BLVRA: variants seen among roughly 807,000 people sequenced by gnomAD.
The protein encoded by BLVRA is BVR A.
Under a neutral mutation model 32.8 loss-of-function variants are expected in BLVRA, and 22 were observed. The observed-to-expected ratio is 0.67, with a 90% CI of 0.48 to 0.96. BLVRA has a LOEUF of 0.96. Ranked by LOEUF, BLVRA falls within the 40% of genes least tolerant of loss-of-function variation. The probability of loss-of-function intolerance (pLI) is 0.00; values close to 1 mark genes in which losing one functional copy is unlikely to be tolerated. For missense variants in BLVRA, 323 were observed against 358.1 expected (o/e 0.90, Z 0.79); for synonymous variants, 119 against 141.3 (o/e 0.84, Z 1.12).
intron 5 of BLVRA, among the ~76,000 whole-genome samples, chr7:43,795,258 G>A (rs2095790493): frequency 6.6e-6 from 1 of 152,070 alleles, no homozygotes; most frequent in Admixed American, 6.5e-5. Context: ...GATTGTGCCT[G>A]TAATCCCAGC....
chr7:43,779,293 C>T (rs904849172), intron 2 of BLVRA, among the ~76,000 whole-genome samples: 3 of 152,230 alleles, frequency 2.0e-5, no homozygotes, highest in African/African-American at 7.2e-5. Context: ...GCTCCACTAT[C>T]CTATCTTTCT....
chr7:43,796,121 C>CAAAAAAAAA (rs371922009), intron 5 of BLVRA, among the ~76,000 whole-genome samples: 1 of 66,662 alleles, frequency 1.5e-5, no homozygotes, highest in Non-Finnish European at 3.0e-5. Flanking sequence ...CTCTGTCTCA[C>CAAAAAAAAA]AAAAAAAAAA....
intron 2 of BLVRA, among the ~76,000 whole-genome samples, chr7:43,775,749 G>C (rs1195579983): frequency 6.6e-6 from 1 of 152,178 alleles, no homozygotes; most frequent in East Asian, 1.9e-4. Flanking sequence ...GGTAGAATTT[G>C]GCTGTGAATC....
intron 2 of BLVRA, among the ~76,000 whole-genome samples, chr7:43,780,464 AC>A (rs981581452): frequency 3.2e-4 from 48 of 152,258 alleles, no homozygotes; most frequent in African/African-American, 1.1e-3. Context: ...TGCTCATGGA[AC>A]TTATCGCTAA....
At chr7:43,782,341 G>A (rs2095770894) in intron 2 of BLVRA, among the ~76,000 whole-genome samples, 2 of 152,272 alleles carry the variant, frequency 1.3e-5, no homozygotes, top group South Asian at 2.1e-4. Flanking sequence ...AAGGACCATC[G>A]GCCACAGTCG....
intron 2 of BLVRA, among the ~76,000 whole-genome samples, chr7:43,778,863 C>T (rs1164411802): frequency 2.0e-5 from 3 of 152,252 alleles, no homozygotes; most frequent in African/African-American, 4.8e-5. Flanking sequence ...CAATGGCAGG[C>T]GCCCCTCCCC....
intron 6 of BLVRA, among the ~76,000 whole-genome samples, chr7:43,802,838 A>G (rs17239685): frequency 0.12 from 17,897 of 152,110 alleles, 1,136 homozygotes; most frequent in Admixed American, 0.19. Flanking sequence ...CCCGGGCTAA[A>G]GTGATTCTCC....
chr7:43,792,904 C>T, intron 5 of BLVRA, 92 bp downstream of exon 5: 3 of 1,244,436 alleles, frequency 2.4e-6, no homozygotes, highest in Non-Finnish European at 3.4e-6. Flanking sequence ...GATATCTCCT[C>T]CTCCTGGCTA....
chr7:43,783,464 T>C (rs532521186), intron 2 of BLVRA, among the ~76,000 whole-genome samples: 5 of 152,346 alleles, frequency 3.3e-5, no homozygotes, highest in Admixed American at 2.0e-4. Flanking sequence ...TCCCTTTCAA[T>C]ATATAAAGGG....
Position 43,759,009 on chromosome 7 carries a change from C to A in BLVRA, c.-22+275C>A, listed in dbSNP as rs527820027. ...AGTCTAAAAAATTAAGTCTCCATTT[C>A]GGTTAAGACTGCCCGTAGTTTCGGT... On this transcript the variant is annotated intron_variant, in intron 1 of 7. Transcript: ENST00000265523. 7.5e-4 allele frequency among the ~76,000 whole-genome samples: 115 copies of A among 152,336 alleles called. 3 individuals carry two copies. The South Asian group carries it at 0.023, about 31-fold the overall frequency.
At chr7:43,770,446 C>G (rs1407579674) in intron 1 of BLVRA, among the ~76,000 whole-genome samples, 1 of 152,192 alleles carries the variant, frequency 6.6e-6, no homozygotes. Flanking sequence ...CTCCCCTCCA[C>G]TCTTGGCCTT....
chr7:43,793,008 T>C (rs1373504337), intron 5 of BLVRA, among the ~76,000 whole-genome samples, 196 bp downstream of exon 5: 4 of 152,226 alleles, frequency 2.6e-5, no homozygotes, highest in Non-Finnish European at 5.9e-5. Context: ...TTGCAAACTT[T>C]TGGTCAAAGC....
At chr7:43,760,417 G>C (rs924878468) in intron 1 of BLVRA, among the ~76,000 whole-genome samples, 19 of 152,132 alleles carry the variant, frequency 1.2e-4, no homozygotes, top group African/African-American at 4.6e-4. Flanking sequence ...TCAGAACCGT[G>C]GGCTGACAGG....
At chr7:43,778,401 A>G (rs913214348) in intron 2 of BLVRA, among the ~76,000 whole-genome samples, 2 of 152,216 alleles carry the variant, frequency 1.3e-5, no homozygotes, top group Non-Finnish European at 2.9e-5. Flanking sequence ...AGTTTGCTAG[A>G]GGTCCACTCC....
chr7:43,779,239 C>T (rs908648854), intron 2 of BLVRA, among the ~76,000 whole-genome samples: 2 of 152,236 alleles, frequency 1.3e-5, no homozygotes, highest in Admixed American at 6.5e-5. Flanking sequence ...GCGTTGCTCA[C>T]GCTGGGAGCT....
At chr7:43,793,113 A>G (rs1043747856) in intron 5 of BLVRA, among the ~76,000 whole-genome samples, 36 of 152,242 alleles carry the variant, frequency 2.4e-4, no homozygotes, top group African/African-American at 8.7e-4. Flanking sequence ...TTCATGTGAT[A>G]CTTATATTGC....
intron 6 of BLVRA, among the ~76,000 whole-genome samples, 174 bp from the exon 7 acceptor site, chr7:43,803,502 G>C (rs1162993145): frequency 6.6e-6 from 1 of 152,198 alleles, no homozygotes; most frequent in Non-Finnish European, 1.5e-5. Context: ...TCAGCCACCT[G>C]AGTTTTCATC....
chr7:43,776,791 G>T (rs980296517), intron 2 of BLVRA, among the ~76,000 whole-genome samples: 1 of 152,122 alleles, frequency 6.6e-6, no homozygotes, highest in African/African-American at 2.4e-5. Flanking sequence ...CTCTTTGTAG[G>T]TCACTCAGGA....
At chr7:43,769,022 T>C (rs1196902080) in intron 1 of BLVRA, among the ~76,000 whole-genome samples, 1 of 151,314 alleles carries the variant, frequency 6.6e-6, no homozygotes, top group Non-Finnish European at 1.5e-5. Context: ...ACCCTGTGAG[T>C]GACAGAGGTG....
Sources: allele counts gnomAD v4.1 joint callset (sites outside exome capture counted in the v4.1 genomes callset), GRCh38; gene constraint gnomAD v4.1.1; transcripts MANE v1.5; gene names NCBI Gene and HGNC (gene_info 2026-07-23, HGNC 2026-07-21).